PTPN13: variants seen among roughly 807,000 people sequenced by gnomAD.
PTPN13 encodes protein tyrosine phosphatase non-receptor type 13.
PTPN13 carries 191 observed loss-of-function variants against 284.0 expected under a neutral mutation model. The ratio of observed to expected loss-of-function variants is 0.67; its 90% CI spans 0.60 to 0.76. The LOEUF is 0.76. PTPN13 is among the 30% of genes least tolerant of loss of function. The pLI, the probability that PTPN13 is intolerant of heterozygous loss-of-function variation, is 0.00. For synonymous variants in PTPN13, 986 were observed against 1,022.3 expected (o/e 0.96, Z 0.68); for missense variants, 2,797 against 2,939.9 (o/e 0.95, Z 1.12).
intron 46 of PTPN13, 37 bp from the exon 47 acceptor site, chr4:86,811,009 C>T: frequency 1.3e-6 from 2 of 1,576,400 alleles, no homozygotes; most frequent in Non-Finnish European, 1.7e-6. Flanking sequence ...ATCCAGTTAT[C>T]CTTTGAATCT....
chr4:86,649,256 G>A (rs774438081), intron 2 of PTPN13, among the ~76,000 whole-genome samples: 1 of 152,062 alleles, frequency 6.6e-6, no homozygotes, highest in Non-Finnish European at 1.5e-5. Context: ...AACAAAAATG[G>A]TTTGGTTGCC....
chr4:86,775,022 G>A lies in PTPN13; in HGVS notation c.5509-149G>A, dbSNP rs980361098. The A allele has an allele frequency of 1.7e-5, 9 of 539,592 alleles. No individual in the cohort carries two copies. The East Asian group carries it at 2.8e-4, about 17-fold the overall frequency. The allele number at this position is 539,592 out of a possible 1,614,324, so 33.4% of individuals were successfully genotyped here. A position where few individuals can be genotyped will look rare whatever the true frequency, so the allele number is the denominator to read the frequency against. On this transcript the variant is annotated intron_variant, in intron 33 of 47. Transcript: ENST00000411767. ...GTGCCTATGATTTCCATAATAAAGG[G>A]GATTACCAATAAATTAGAGATCACT...
At chr4:86,768,969 C>CA (rs1294028217) in intron 28 of PTPN13, among the ~76,000 whole-genome samples, 1 of 152,110 alleles carries the variant, frequency 6.6e-6, no homozygotes, top group Non-Finnish European at 1.5e-5. Context: ...CTCAGCCTCC[C>CA]AAAATGCTGG....
intron 7 of PTPN13, among the ~76,000 whole-genome samples, chr4:86,703,712 T>G (rs187720565): frequency 6.6e-6 from 1 of 152,036 alleles, no homozygotes; most frequent in South Asian, 2.1e-4. Flanking sequence ...ACAAAAAAAA[T>G]TTTTTAATTA....
intron 37 of PTPN13, among the ~76,000 whole-genome samples, chr4:86,783,940 T>C (rs1299139097): frequency 6.6e-6 from 1 of 152,048 alleles, no homozygotes; most frequent in Non-Finnish European, 1.5e-5. Flanking sequence ...TTAGACTAGA[T>C]TTGAAAATCT....
chr4:86,646,221 A>G lies in PTPN13; in HGVS notation c.115+10850A>G, dbSNP rs1052453221. On this transcript the variant is annotated intron_variant, in intron 2 of 47. Coordinates refer to ENST00000411767, the MANE Select transcript of PTPN13 (RefSeq NM_080683.3). ...AGTGGACTTCATCAGAATTAAAAAC[A>G]TCCACTCTTCTAAACATATTATTAA... Among the ~76,000 whole-genome samples, 5 of 152,178 alleles carry G rather than the reference A, an allele frequency of 3.3e-5. No homozygotes were observed. In the East Asian group the frequency reaches 9.6e-4, roughly 29 times the overall value.
intron 2 of PTPN13, among the ~76,000 whole-genome samples, chr4:86,658,949 C>A (rs1382799750): frequency 6.6e-6 from 1 of 151,956 alleles, no homozygotes; most frequent in Non-Finnish European, 1.5e-5. Flanking sequence ...TAAGAGCAGA[C>A]TGAACAGTAA....
intron 3 of PTPN13, among the ~76,000 whole-genome samples, chr4:86,677,959 C>A (rs767355936): frequency 1.3e-5 from 2 of 152,102 alleles, no homozygotes; most frequent in Non-Finnish European, 2.9e-5. Context: ...TTCAGCAGAT[C>A]CCTGGGGCCA....
intron 2 of PTPN13, among the ~76,000 whole-genome samples, chr4:86,638,105 G>A (rs1046249195): frequency 6.6e-6 from 1 of 152,076 alleles, no homozygotes; most frequent in African/African-American, 2.4e-5. Flanking sequence ...AAAATACTTA[G>A]GAATCCAACT....
chr4:86,730,943 A>T (rs1359697061), intron 10 of PTPN13, among the ~76,000 whole-genome samples: 1 of 152,110 alleles, frequency 6.6e-6, no homozygotes, highest in Non-Finnish European at 1.5e-5. Flanking sequence ...TTCCACTTTC[A>T]TTCTTTCTAC....
intron 7 of PTPN13, among the ~76,000 whole-genome samples, chr4:86,703,844 G>A (rs909041300): frequency 2.0e-5 from 3 of 152,156 alleles, no homozygotes; most frequent in African/African-American, 2.4e-5. Flanking sequence ...ACTCTAGACT[G>A]TGCAACAAAG....
chr4:86,619,564 G>A (rs1166894569), intron 1 of PTPN13, among the ~76,000 whole-genome samples: 1 of 152,064 alleles, frequency 6.6e-6, no homozygotes, highest in Non-Finnish European at 1.5e-5. Context: ...GTGGAGGGAG[G>A]GAAGAGTCCA....
intron 35 of PTPN13, among the ~76,000 whole-genome samples, chr4:86,778,652 T>G (rs1244602082): frequency 6.6e-6 from 1 of 152,144 alleles, no homozygotes; most frequent in African/African-American, 2.4e-5. Flanking sequence ...AATTCCACAA[T>G]GAAAGCACGT....
intron 3 of PTPN13, among the ~76,000 whole-genome samples, chr4:86,677,030 G>C (rs1443242335): frequency 6.6e-6 from 1 of 152,088 alleles, no homozygotes; most frequent in Non-Finnish European, 1.5e-5. Flanking sequence ...CACTTTGGAA[G>C]GCCGAAGCGG....
chr4:86,687,925 A>G (rs925009990), intron 4 of PTPN13, among the ~76,000 whole-genome samples: 6 of 152,180 alleles, frequency 3.9e-5, no homozygotes, highest in African/African-American at 1.4e-4. Context: ...TTTAATATTA[A>G]TTTAAAAGTA....
chr4:86,601,484 A>T (rs1764290202), intron 1 of PTPN13, among the ~76,000 whole-genome samples: 2 of 152,102 alleles, frequency 1.3e-5, no homozygotes, highest in Non-Finnish European at 1.5e-5. Flanking sequence ...AAAATTTAGA[A>T]TATATTATTC....
intron 42 of PTPN13, among the ~76,000 whole-genome samples, chr4:86,802,530 G>A (rs1465902321): frequency 6.6e-6 from 1 of 152,098 alleles, no homozygotes; most frequent in Non-Finnish European, 1.5e-5. Flanking sequence ...ATAAATGAGA[G>A]CCAAGAGCCT....
intron 2 of PTPN13, among the ~76,000 whole-genome samples, chr4:86,648,860 G>T (rs777267733): frequency 3.3e-5 from 5 of 152,008 alleles, no homozygotes; most frequent in Non-Finnish European, 5.9e-5. Context: ...GTATACAAGG[G>T]TTCCCCTTTC....
chr4:86,618,676 T>A (rs2148654791), intron 1 of PTPN13, among the ~76,000 whole-genome samples: 1 of 152,342 alleles, frequency 6.6e-6, no homozygotes, highest in Non-Finnish European at 1.5e-5. Context: ...AGTATTTTAT[T>A]CTCTTTGAAG....
Sources: gnomAD v4.1 joint callset for allele counts (sites outside exome capture counted in the v4.1 genomes callset) on GRCh38, gnomAD v4.1.1 for gene constraint, MANE v1.5 for transcripts, NCBI Gene and HGNC (gene_info 2026-07-23, HGNC 2026-07-21) for gene names.